The following TRHDE variants were observed in gnomAD, a reference collection of about 807,000 sequenced individuals.
TRHDE encodes thyrotropin releasing hormone degrading enzyme.
TRHDE carries 72 observed loss-of-function variants against 125.7 expected under a neutral mutation model. That is an observed-to-expected ratio of 0.57 (90% CI 0.47 to 0.70). The LOEUF (loss-of-function observed/expected upper bound fraction) is 0.70, where lower values mean the gene tolerates loss of function less well. TRHDE is among the 30% of genes least tolerant of loss of function. The pLI, the probability that TRHDE is intolerant of heterozygous loss-of-function variation, is 0.00. For synonymous variants in TRHDE, 509 were observed against 509.1 expected, an observed-to-expected ratio of 1.00 and a Z score of 0.00; for missense variants, 1,110 against 1,327.1, an observed-to-expected ratio of 0.84 and a Z score of 2.54.
chr12:72,136,456 A>G (rs1352983215), intron 2 of TRHDE, among the ~76,000 whole-genome samples: 1 of 152,238 alleles, frequency 6.6e-6, no homozygotes, highest in African/African-American at 2.4e-5. Context: ...AATTTAAATG[A>G]ATGCTTGTAC....
At chr12:72,087,837 A>T (rs1221726912) in intron 1 of TRHDE, among the ~76,000 whole-genome samples, 1 of 152,128 alleles carries the variant, frequency 6.6e-6, no homozygotes, top group African/African-American at 2.4e-5. Flanking sequence ...CCTAGTAGCA[A>T]TCTGGGCCGT....
chr12:72,316,806 G>A (rs532078180), intron 2 of TRHDE, among the ~76,000 whole-genome samples: 3 of 152,302 alleles, frequency 2.0e-5, no homozygotes, highest in Admixed American at 2.0e-4. Context: ...TCTCCTTGGT[G>A]TAAAGTTTAA....
At chr12:72,532,476 C>A (rs1329526935) in intron 6 of TRHDE, among the ~76,000 whole-genome samples, 1 of 150,916 alleles carries the variant, frequency 6.6e-6, no homozygotes, top group Admixed American at 6.6e-5. Flanking sequence ...AGAGTGAATT[C>A]TTATTTTCAA....
chr12:72,639,778 GCCC>G (rs1873955486), intron 15 of TRHDE, among the ~76,000 whole-genome samples: 1 of 152,128 alleles, frequency 6.6e-6, no homozygotes, highest in Non-Finnish European at 1.5e-5. Context: ...GTGTCAGTCT[GCCC>G]CTGCTAGGGG....
intron 12 of TRHDE, among the ~76,000 whole-genome samples, chr12:72,607,403 C>A (rs192677651): frequency 1.2e-3 from 181 of 152,232 alleles, no homozygotes; most frequent in Admixed American, 3.1e-3. Context: ...CTTTAATTCA[C>A]TGGATGTTGC....
At chr12:72,474,700 C>T (rs1255058783) in intron 5 of TRHDE, among the ~76,000 whole-genome samples, 1 of 152,010 alleles carries the variant, frequency 6.6e-6, no homozygotes, top group African/African-American at 2.4e-5. Flanking sequence ...ATATTTTATA[C>T]TGCTCTCTTT....
intron 2 of TRHDE, among the ~76,000 whole-genome samples, chr12:72,238,931 G>A (rs190955080): frequency 4.6e-5 from 7 of 152,192 alleles, no homozygotes; most frequent in African/African-American, 1.7e-4. Flanking sequence ...TGGGTCAAAT[G>A]GTATTTCTGG....
At chr12:72,622,752 A>G (rs1289780123) in intron 15 of TRHDE, among the ~76,000 whole-genome samples, 1 of 152,060 alleles carries the variant, frequency 6.6e-6, no homozygotes, top group African/African-American at 2.4e-5. Context: ...TTAATATCTA[A>G]CTGACTAGAT....
chr12:72,305,135 A>T (rs1868321171), intron 2 of TRHDE, among the ~76,000 whole-genome samples: 1 of 152,114 alleles, frequency 6.6e-6, no homozygotes, highest in Non-Finnish European at 1.5e-5. Context: ...AAATAGTTAC[A>T]TGTGTGTTAT....
intron 5 of TRHDE, among the ~76,000 whole-genome samples, chr12:72,495,698 TCTGGCATAGAGTGGTAATTTAA>T (rs1272820923): frequency 6.6e-6 from 1 of 152,142 alleles, no homozygotes; most frequent in Non-Finnish European, 1.5e-5. Flanking sequence ...CTGCACAATA[TCTGGCATAGAGTGGTAATTTAA>T]TACATATGTG....
At chr12:72,389,606 C>G (rs1035566745) in intron 3 of TRHDE, among the ~76,000 whole-genome samples, 2 of 152,294 alleles carry the variant, frequency 1.3e-5, no homozygotes, top group South Asian at 4.2e-4. Context: ...TCTCGCATGA[C>G]AAAGAATGAG....
intron 6 of TRHDE, among the ~76,000 whole-genome samples, chr12:72,517,560 G>A (rs968906290): frequency 5.3e-5 from 8 of 151,820 alleles, no homozygotes; most frequent in East Asian, 1.9e-4. Flanking sequence ...TCTTGCTAGC[G>A]GTCTATCAGT....
At chr12:72,223,212 A>G (rs1377196553) in intron 2 of TRHDE, among the ~76,000 whole-genome samples, 1 of 152,104 alleles carries the variant, frequency 6.6e-6, no homozygotes, top group African/African-American at 2.4e-5. Flanking sequence ...AGAAGACCCG[A>G]GTTTAGCTGT....
At chr12:72,624,762 C>T (rs2136081652) in intron 15 of TRHDE, among the ~76,000 whole-genome samples, 1 of 151,956 alleles carries the variant, frequency 6.6e-6, no homozygotes, top group South Asian at 2.1e-4. Flanking sequence ...ATGGATTGAG[C>T]TACATTCAGG....
chr12:72,240,146 T>C (rs1878445544), intron 2 of TRHDE, among the ~76,000 whole-genome samples: 1 of 151,992 alleles, frequency 6.6e-6, no homozygotes, highest in East Asian at 1.9e-4. Context: ...TTAAAGTTTC[T>C]TTCACCTTTT....
chr12:72,115,753 G>T (rs931189556), intron 2 of TRHDE, among the ~76,000 whole-genome samples: 1 of 152,146 alleles, frequency 6.6e-6, no homozygotes, highest in Non-Finnish European at 1.5e-5. Context: ...TACCTGAGGT[G>T]AGATGATGTC....
chr12:72,300,349 A>G (rs116823563), intron 2 of TRHDE, among the ~76,000 whole-genome samples: 1,560 of 131,724 alleles, frequency 0.012, 28 homozygotes, highest in African/African-American at 0.042. Flanking sequence ...ACACACTCAT[A>G]TAAAATATAT....
At chr12:72,217,927 TA>T (rs1356930687) in intron 2 of TRHDE, among the ~76,000 whole-genome samples, 1 of 152,138 alleles carries the variant, frequency 6.6e-6, no homozygotes, top group Non-Finnish European at 1.5e-5. Flanking sequence ...AGATTAGTAT[TA>T]AATTTAAAAT....
At chr12:72,428,945 G>A (rs1448348800) in intron 3 of TRHDE, among the ~76,000 whole-genome samples, 1 of 151,846 alleles carries the variant, frequency 6.6e-6, no homozygotes, top group Non-Finnish European at 1.5e-5. Context: ...TAATCCTTAT[G>A]GCTAAAATTC....
Sources: gnomAD v4.1 joint callset for allele counts (sites outside exome capture counted in the v4.1 genomes callset) on GRCh38, gnomAD v4.1.1 for gene constraint, MANE v1.5 for transcripts, NCBI Gene and HGNC (gene_info 2026-07-23, HGNC 2026-07-21) for gene names.